Variants in ZHX2 observed in about 807,000 individuals in gnomAD.
ZHX2 encodes zinc fingers and homeoboxes 2, also known as zinc fingers and homeoboxes protein 2.
Under a neutral mutation model 21.9 loss-of-function variants are expected in ZHX2, and 6 were observed. That is an observed-to-expected ratio of 0.27 (90% CI 0.15 to 0.54). The LOEUF (loss-of-function observed/expected upper bound fraction) is 0.54, where lower values mean the gene tolerates loss of function less well. Among genes scored for constraint, ZHX2 ranks in the 20% least tolerant of loss-of-function variants. The probability of loss-of-function intolerance (pLI) is 0.95; values close to 1 mark genes in which losing one functional copy is unlikely to be tolerated. For synonymous variants in ZHX2, 434 were observed against 437.1 expected, an observed-to-expected ratio of 0.99 and a Z score of 0.09; for missense variants, 908 against 1,090.7, an observed-to-expected ratio of 0.83 and a Z score of 2.36.
chr8:122,790,036 C>T (rs1222623436), intron 1 of ZHX2, among the ~76,000 whole-genome samples: 1 of 152,138 alleles, frequency 6.6e-6, no homozygotes, highest in South Asian at 2.1e-4. Flanking sequence ...AACTTGCATT[C>T]GAGAGTGTGA....
intron 2 of ZHX2, among the ~76,000 whole-genome samples, chr8:122,892,132 C>A (rs1167805306): frequency 6.6e-6 from 1 of 152,148 alleles, no homozygotes; most frequent in Non-Finnish European, 1.5e-5. Flanking sequence ...TATTTACAAT[C>A]ATTGTATCAC....
In ZHX2 at chr8:122,973,448, G is replaced by A. The variant is rs1405409569; in HGVS notation, c.*211G>A. 1.3e-5 allele frequency: 2 copies of A among 152,698 alleles called. No homozygotes were observed. The highest frequency in any genetic ancestry group is 2.9e-5 in the Non-Finnish European group (2 of 68,084). 9.5% of individuals were successfully genotyped at this position (152,698 alleles called of 1,614,324 possible). A position where few individuals can be genotyped will look rare whatever the true frequency, so the allele number is the denominator to read the frequency against. On this transcript the variant is annotated 3_prime_UTR_variant, in exon 4 of 4. Transcript: ENST00000314393. The stretch of plus-strand genomic sequence containing the variant: ...GGTGGGAATTGTTCATAGTGCCAAA[G>A]TCCTACTACTGCGTTTTCAATGGGT...
intron 1 of ZHX2, among the ~76,000 whole-genome samples, chr8:122,831,880 AGCTCGAGTGAGG>A (rs1818385840): frequency 6.6e-6 from 1 of 152,104 alleles, no homozygotes; most frequent in African/African-American, 2.4e-5. Context: ...CTAGAGTGAG[AGCTCGAGTGAGG>A]GCGATGAGTT....
intron 3 of ZHX2, among the ~76,000 whole-genome samples, chr8:122,957,834 T>C (rs1028575538): frequency 5.3e-5 from 8 of 152,084 alleles, no homozygotes; most frequent in African/African-American, 1.7e-4. Context: ...TTGAAAGTTC[T>C]CCCACATCCT....
intron 1 of ZHX2, among the ~76,000 whole-genome samples, chr8:122,851,361 A>G (rs1004036455): frequency 5.9e-5 from 9 of 152,194 alleles, no homozygotes; most frequent in African/African-American, 1.2e-4. Flanking sequence ...AAGTCTCTCA[A>G]TGAAAGTTGG....
chr8:122,831,431 T>A (rs1471353182), intron 1 of ZHX2, among the ~76,000 whole-genome samples: 2 of 152,124 alleles, frequency 1.3e-5, no homozygotes, highest in Non-Finnish European at 2.9e-5. Flanking sequence ...GAAAGACTTG[T>A]GGAGGCTTTG....
intron 1 of ZHX2, among the ~76,000 whole-genome samples, chr8:122,836,886 A>G (rs1818514697): frequency 6.6e-6 from 1 of 152,108 alleles, no homozygotes; most frequent in East Asian, 1.9e-4. Flanking sequence ...CTGCATTTCC[A>G]GACAATTAGG....
intron 3 of ZHX2, among the ~76,000 whole-genome samples, chr8:122,970,453 CG>C (rs1813692139): frequency 6.6e-6 from 1 of 152,116 alleles, no homozygotes; most frequent in Non-Finnish European, 1.5e-5. Flanking sequence ...GCCAGCAGCC[CG>C]TGGGCTCTGT....
At chr8:122,848,713 G>A (rs1324037496) in intron 1 of ZHX2, among the ~76,000 whole-genome samples, 1 of 152,182 alleles carries the variant, frequency 6.6e-6, no homozygotes, top group African/African-American at 2.4e-5. Context: ...GGGCATTGGT[G>A]GGAGAGGGAA....
At chr8:122,881,057 G>C (rs140564183) in intron 2 of ZHX2, among the ~76,000 whole-genome samples, 2 of 152,152 alleles carry the variant, frequency 1.3e-5, no homozygotes, top group Non-Finnish European at 2.9e-5. Flanking sequence ...CTTGATTAAC[G>C]CCCATTGACC....
chr8:122,801,744 C>T (rs1162045953), intron 1 of ZHX2, among the ~76,000 whole-genome samples: 1 of 152,056 alleles, frequency 6.6e-6, no homozygotes, highest in Non-Finnish European at 1.5e-5. Flanking sequence ...AGAGTGAGAC[C>T]TCATCTCCAA....
At chr8:122,878,393 G>T (rs1371480606) in intron 2 of ZHX2, among the ~76,000 whole-genome samples, 1 of 152,166 alleles carries the variant, frequency 6.6e-6, no homozygotes, top group Non-Finnish European at 1.5e-5. Context: ...CAGTGAGGGG[G>T]TCCTGCTAAT....
intron 2 of ZHX2, among the ~76,000 whole-genome samples, chr8:122,947,885 C>T (rs1030631189): frequency 2.0e-5 from 3 of 151,734 alleles, no homozygotes. Context: ...ACTCTGGAGG[C>T]GTGAAAAGTA....
chr8:122,804,969 T>G (rs1039154159), intron 1 of ZHX2, among the ~76,000 whole-genome samples: 6 of 152,192 alleles, frequency 3.9e-5, no homozygotes, highest in African/African-American at 1.2e-4. Flanking sequence ...GCCCCAGCCA[T>G]CCCCCAGCTG....
intron 2 of ZHX2, among the ~76,000 whole-genome samples, chr8:122,937,028 C>G (rs1209780547): frequency 6.6e-6 from 1 of 152,220 alleles, no homozygotes; most frequent in Non-Finnish European, 1.5e-5. Context: ...CCACCTGGGC[C>G]AGGCATGGGT....
At chr8:122,912,965 C>T (rs1278756190) in intron 2 of ZHX2, among the ~76,000 whole-genome samples, 1 of 152,156 alleles carries the variant, frequency 6.6e-6, no homozygotes, top group Non-Finnish European at 1.5e-5. Flanking sequence ...GCGACCATCA[C>T]CATAATTTTA....
intron 1 of ZHX2, among the ~76,000 whole-genome samples, chr8:122,818,604 G>T (rs1818078938): frequency 6.6e-6 from 1 of 152,146 alleles, no homozygotes; most frequent in Non-Finnish European, 1.5e-5. Context: ...ACTTGGCCTG[G>T]GGCTCTCCCA....
At chr8:122,940,075 G>A (rs973081572) in intron 2 of ZHX2, among the ~76,000 whole-genome samples, 1 of 152,226 alleles carries the variant, frequency 6.6e-6, no homozygotes. Flanking sequence ...TTAACATGCA[G>A]CATTTGGTAT....
chr8:122,943,295 A>G (rs919024717), intron 2 of ZHX2, among the ~76,000 whole-genome samples: 5 of 152,130 alleles, frequency 3.3e-5, no homozygotes. Flanking sequence ...TAAAATGCAC[A>G]GTCATAGGCC....
Sources: gnomAD v4.1 joint callset for allele counts (sites outside exome capture counted in the v4.1 genomes callset) on GRCh38, gnomAD v4.1.1 for gene constraint, MANE v1.5 for transcripts, NCBI Gene and HGNC (gene_info 2026-07-23, HGNC 2026-07-21) for gene names.